Variants in CAST observed in about 807,000 individuals in gnomAD.
CAST encodes calpastatin, also known as MIR583 host.
A neutral mutation model predicts 119.6 loss-of-function variants in CAST; 76 were observed. That is an observed-to-expected ratio of 0.64 (90% CI 0.53 to 0.77). CAST has a LOEUF of 0.77. CAST is among the 30% of genes least tolerant of loss of function. The pLI, the probability that CAST is intolerant of heterozygous loss-of-function variation, is 0.00. For missense variants in CAST, 953 were observed against 946.5 expected (o/e 1.01, Z -0.09); for synonymous variants, 319 against 331.6 (o/e 0.96, Z 0.41).
the CAST span, among the ~76,000 whole-genome samples, chr5:95,994,293 A>G: frequency 6.6e-6 from 1 of 152,214 alleles, no homozygotes; most frequent in Non-Finnish European, 1.5e-5. Flanking sequence ...TAACTGATAA[A>G]CAAATTGTGG....
the CAST span, among the ~76,000 whole-genome samples, chr5:96,496,725 G>A: frequency 3.5e-4 from 54 of 152,192 alleles, no homozygotes; most frequent in Non-Finnish European, 5.6e-4. Flanking sequence ...TGAAGAAACC[G>A]GTTAGGTTAC....
the CAST span, among the ~76,000 whole-genome samples, chr5:96,238,428 C>T: frequency 6.7e-6 from 1 of 149,284 alleles, no homozygotes; most frequent in Non-Finnish European, 1.5e-5. Context: ...TGCTCTGTTG[C>T]CCAGGCTGGA....
upstream of CAST, among the ~76,000 whole-genome samples, chr5:96,661,005 A>G (rs914763583): frequency 1.3e-4 from 19 of 151,848 alleles, no homozygotes; most frequent in Admixed American, 1.1e-3. Context: ...AAAATTAAGA[A>G]TGCTGCTAGC....
the CAST span, among the ~76,000 whole-genome samples, chr5:96,002,604 T>C: frequency 1.3e-5 from 2 of 152,148 alleles, no homozygotes; most frequent in African/African-American, 4.8e-5. Context: ...AAAGATTGAC[T>C]GGCCTGGGGA....
At chr5:95,961,669 G>T in the CAST span, 1 of 1,608,512 alleles carries the variant, frequency 6.2e-7, no homozygotes, top group Non-Finnish European at 8.5e-7. Context: ...CCGTCCGCAC[G>T]ACAGCCCATA....
chr5:96,652,131 A>T (rs1402652803), intron 1 of CAST, among the ~76,000 whole-genome samples: 1 of 152,228 alleles, frequency 6.6e-6, no homozygotes, highest in East Asian at 1.9e-4. Context: ...ACCAGAGCAG[A>T]TCTTCCTGCA....
At chr5:96,551,643 G>T (rs1237539830) in intron 1 of CAST, among the ~76,000 whole-genome samples, 2 of 151,824 alleles carry the variant, frequency 1.3e-5, no homozygotes, top group Non-Finnish European at 2.9e-5. Flanking sequence ...AAAGAGTCAA[G>T]ACCCATCTGT....
intron 3 of CAST, among the ~76,000 whole-genome samples, chr5:96,697,842 A>G (rs1054950121): frequency 2.0e-5 from 3 of 152,164 alleles, no homozygotes; most frequent in Non-Finnish European, 4.4e-5. Flanking sequence ...ATAAATACTA[A>G]CACTTAGGCC....
At position 96,767,902 on chromosome 5, in the gene CAST, C is replaced by A; in HGVS notation, c.2176-5C>A. 1 of 1,604,664 alleles carries A rather than the reference C, an allele frequency of 6.2e-7. No homozygotes were observed. Among genetic ancestry groups the A allele is most frequent in the Non-Finnish European group, 8.5e-7 (1 of 1,171,610 alleles). ...CACTGATGGTTATTTCTACTCATAT[C>A]TCAGAAACCTGCAGATGACCAAGAC... On this transcript the variant is annotated splice_region_variant and splice_polypyrimidine_tract_variant and intron_variant, in intron 28 of 31. Coordinates refer to ENST00000675179, the MANE Select transcript of CAST (RefSeq NM_001750.7).
At chr5:96,361,632 C>G in the CAST span, among the ~76,000 whole-genome samples, 33 of 152,248 alleles carry the variant, frequency 2.2e-4, 1 homozygote, top group South Asian at 2.1e-3. Context: ...ATGCCCCACC[C>G]TGCTTCAGCT....
At chr5:96,334,629 G>A in the CAST span, among the ~76,000 whole-genome samples, 1 of 152,154 alleles carries the variant, frequency 6.6e-6, no homozygotes, top group East Asian at 1.9e-4. Context: ...CACTTCCTCA[G>A]GTATGAATAT....
the CAST span, among the ~76,000 whole-genome samples, chr5:96,122,371 G>A: frequency 1.3e-5 from 2 of 152,058 alleles, no homozygotes; most frequent in Non-Finnish European, 2.9e-5. Context: ...GAAATGCTGA[G>A]ATACTTTTTT....
At chr5:96,738,492 G>C (rs1003555140) in intron 11 of CAST, among the ~76,000 whole-genome samples, 10 of 152,124 alleles carry the variant, frequency 6.6e-5, no homozygotes, top group African/African-American at 2.2e-4. Context: ...TTGACACTGG[G>C]ACACGGTCCA....
chr5:96,719,305 C>T (rs1008499977), intron 3 of CAST, among the ~76,000 whole-genome samples: 13 of 152,142 alleles, frequency 8.5e-5, no homozygotes, highest in South Asian at 4.1e-4. Context: ...GGACTACAGG[C>T]GCGTGCCACC....
chr5:96,583,521 C>T (rs1746801927), intron 1 of CAST, among the ~76,000 whole-genome samples: 1 of 152,036 alleles, frequency 6.6e-6, no homozygotes, highest in South Asian at 2.1e-4. Context: ...GCTCAGTTTC[C>T]CTTTTTGTAA....
At chr5:96,013,919 T>C in the CAST span, among the ~76,000 whole-genome samples, 1 of 152,160 alleles carries the variant, frequency 6.6e-6, no homozygotes, top group South Asian at 2.1e-4. Flanking sequence ...TATACTATTG[T>C]AGACTTTACA....
At chr5:96,757,739 G>A in intron 24 of CAST, 85 bp downstream of exon 24, 3 of 853,952 alleles carry the variant, frequency 3.5e-6, no homozygotes, top group Non-Finnish European at 5.5e-6. Flanking sequence ...CATCCAGGCG[G>A]GAGTACAGTG....
chr5:96,007,013 G>T, the CAST span, among the ~76,000 whole-genome samples: 1 of 151,872 alleles, frequency 6.6e-6, no homozygotes, highest in East Asian at 1.9e-4. Flanking sequence ...TTTCATTTTT[G>T]GTATCACCCA....
chr5:96,295,747 CA>C, the CAST span, among the ~76,000 whole-genome samples: 1 of 151,946 alleles, frequency 6.6e-6, no homozygotes, highest in East Asian at 1.9e-4. Flanking sequence ...ACCGGAATGA[CA>C]AAAAAGTCCT....
Sources: allele counts gnomAD v4.1 joint callset (sites outside exome capture counted in the v4.1 genomes callset), GRCh38; gene constraint gnomAD v4.1.1; transcripts MANE v1.5; gene names NCBI Gene and HGNC (gene_info 2026-07-23, HGNC 2026-07-21).